The following FAM227B variants were observed in gnomAD, a reference collection of about 807,000 sequenced individuals.
FAM227B encodes the protein family with sequence similarity 227 member B.
In FAM227B, 88 loss-of-function variants were observed where a neutral mutation model predicts 73.8. The ratio of observed to expected loss-of-function variants is 1.19; its 90% CI spans 1.00 to 1.42. The LOEUF (loss-of-function observed/expected upper bound fraction) is 1.42, where lower values mean the gene tolerates loss of function less well. Among genes scored for constraint, FAM227B ranks in the 40% most tolerant of loss-of-function variants. The pLI, the probability that FAM227B is intolerant of heterozygous loss-of-function variation, is 0.00. For synonymous variants in FAM227B, 210 were observed against 190.5 expected (o/e 1.10, Z -0.84); for missense variants, 632 against 590.9 (o/e 1.07, Z -0.72).
intron 8 of FAM227B, among the ~76,000 whole-genome samples, chr15:49,572,949 ATTATT>A (rs1418445181): frequency 6.7e-6 from 1 of 148,432 alleles, no homozygotes; most frequent in African/African-American, 2.5e-5. Context: ...TCTGATCTTT[ATTATT>A]TTATTTTCTT....
intron 11 of FAM227B, among the ~76,000 whole-genome samples, chr15:49,457,100 A>AT (rs911970882): frequency 6.6e-6 from 1 of 152,062 alleles, no homozygotes; most frequent in Non-Finnish European, 1.5e-5. Context: ...AGACTCCATA[A>AT]TTTACAGCAA....
intron 11 of FAM227B, among the ~76,000 whole-genome samples, chr15:49,418,772 C>A (rs562135521): frequency 6.6e-6 from 1 of 150,834 alleles, no homozygotes; most frequent in Non-Finnish European, 1.5e-5. Context: ...TACCCCTGAA[C>A]CTAAAAGATC....
intron 11 of FAM227B, among the ~76,000 whole-genome samples, chr15:49,446,385 T>C (rs543707826): frequency 1.3e-5 from 2 of 151,758 alleles, no homozygotes; most frequent in Non-Finnish European, 3.0e-5. Flanking sequence ...AATGTGACTT[T>C]TACCCTTAAT....
intron 8 of FAM227B, among the ~76,000 whole-genome samples, chr15:49,571,953 A>T (rs1365068492): frequency 6.6e-6 from 1 of 151,974 alleles, no homozygotes; most frequent in Non-Finnish European, 1.5e-5. Context: ...TAGACATTTT[A>T]ATAATACTAA....
intron 10 of FAM227B, among the ~76,000 whole-genome samples, chr15:49,525,595 C>T (rs568890717): frequency 2.7e-4 from 38 of 140,814 alleles, no homozygotes; most frequent in Non-Finnish European, 5.0e-4. Flanking sequence ...ACCAGTTCTA[C>T]AGGACCTGCC....
At chr15:49,341,197 T>C (rs1435776785) in intron 13 of FAM227B, among the ~76,000 whole-genome samples, 1 of 152,234 alleles carries the variant, frequency 6.6e-6, no homozygotes, top group African/African-American at 2.4e-5. Flanking sequence ...TTGGGTAATA[T>C]GATGCCTTCA....
intron 10 of FAM227B, among the ~76,000 whole-genome samples, chr15:49,511,328 C>A (rs1257580209): frequency 2.6e-5 from 4 of 152,070 alleles, no homozygotes; most frequent in Non-Finnish European, 5.9e-5. Flanking sequence ...CCTTAGCTAT[C>A]ATCTTATATA....
chr15:49,526,888 A>G (rs1388464009), intron 10 of FAM227B, among the ~76,000 whole-genome samples: 3 of 151,966 alleles, frequency 2.0e-5, no homozygotes, highest in African/African-American at 4.8e-5. Context: ...GAGTAATAAA[A>G]TTGAATCAAT....
At chr15:49,357,461 A>C (rs2043359087) in intron 13 of FAM227B, among the ~76,000 whole-genome samples, 1 of 152,094 alleles carries the variant, frequency 6.6e-6, no homozygotes, top group Admixed American at 6.5e-5. Context: ...AAACACCTCT[A>C]TGCAAATAAA....
intron 11 of FAM227B, among the ~76,000 whole-genome samples, chr15:49,386,761 T>C (rs2046910211): frequency 6.6e-6 from 1 of 151,716 alleles, no homozygotes; most frequent in Non-Finnish European, 1.5e-5. Context: ...TTAGCTAGAT[T>C]AACCAAGAAG....
chr15:49,456,844 T>C (rs2053341769), intron 11 of FAM227B, among the ~76,000 whole-genome samples: 1 of 152,250 alleles, frequency 6.6e-6, no homozygotes, highest in East Asian at 1.9e-4. Context: ...TCCAACTTTG[T>C]TGATGAAAAA....
At chr15:49,608,208 T>C (rs1390462573) in intron 3 of FAM227B, among the ~76,000 whole-genome samples, 1 of 152,094 alleles carries the variant, frequency 6.6e-6, no homozygotes, top group East Asian at 1.9e-4. Context: ...TATAGCGCTG[T>C]GGTCCTTAGT....
chr15:49,467,903 C>T (rs1017645991), intron 11 of FAM227B, among the ~76,000 whole-genome samples: 2 of 152,118 alleles, frequency 1.3e-5, no homozygotes, highest in Non-Finnish European at 2.9e-5. Flanking sequence ...CTGTGCAATA[C>T]AGTTCAATGA....
intron 10 of FAM227B, among the ~76,000 whole-genome samples, chr15:49,527,143 C>T (rs182278952): frequency 2.0e-5 from 3 of 151,972 alleles, no homozygotes; most frequent in Non-Finnish European, 1.5e-5. Context: ...TTCAAAAAAA[C>T]AACCAGCAAA....
chr15:49,512,428 AG>A (rs1314639057), intron 10 of FAM227B, among the ~76,000 whole-genome samples: 1 of 152,014 alleles, frequency 6.6e-6, no homozygotes, highest in Non-Finnish European at 1.5e-5. Context: ...TTAATTACTA[AG>A]AGTTGTACAT....
intron 13 of FAM227B, among the ~76,000 whole-genome samples, chr15:49,339,041 A>C (rs1191577327): frequency 6.6e-6 from 1 of 151,892 alleles, no homozygotes; most frequent in Admixed American, 6.6e-5. Flanking sequence ...ACCTTTTTTC[A>C]AGGTTCTTAG....
At chr15:49,537,019 T>C (rs146349748) in intron 10 of FAM227B, among the ~76,000 whole-genome samples, 3 of 152,226 alleles carry the variant, frequency 2.0e-5, no homozygotes, top group African/African-American at 7.2e-5. Context: ...GATGAATATT[T>C]GGATATCATA....
intron 13 of FAM227B, among the ~76,000 whole-genome samples, chr15:49,357,729 C>G (rs1465645881): frequency 6.6e-6 from 1 of 152,208 alleles, no homozygotes; most frequent in South Asian, 2.1e-4. Context: ...TCCTCCCTAA[C>G]TCATTTATGA....
rs1253651166 is a variant in FAM227B at position 49,403,868 on chromosome 15, T to A, written c.1013-32469A>T. Among the ~76,000 whole-genome samples the A allele has an allele frequency of 2.0e-5, 3 of 152,300 alleles. No individual in the cohort carries two copies. In the East Asian group the frequency reaches 5.8e-4, roughly 29 times the overall value. On this transcript the variant is annotated intron_variant, in intron 11 of 15. Coordinates refer to ENST00000299338, the MANE Select transcript of FAM227B (RefSeq NM_152647.3). ...GTGATGTTAGGTTGTTAACTTGAGATCTTTTTATCTGTTTTATGTGGGCAT... is the reference window on the plus strand; with the variant it reads ...GTGATGTTAGGTTGTTAACTTGAGAACTTTTTATCTGTTTTATGTGGGCAT...
Sources: allele counts gnomAD v4.1 joint callset (sites outside exome capture counted in the v4.1 genomes callset), GRCh38; gene constraint gnomAD v4.1.1; transcripts MANE v1.5; gene names NCBI Gene and HGNC (gene_info 2026-07-23, HGNC 2026-07-21).